The following SORCS3 variants were observed in gnomAD, a reference collection of about 807,000 sequenced individuals.
SORCS3 encodes VPS10 domain-containing receptor SorCS3.
Under a neutral mutation model 146.3 loss-of-function variants are expected in SORCS3, and 57 were observed. That is an observed-to-expected ratio of 0.39 (90% CI 0.31 to 0.49). The LOEUF (loss-of-function observed/expected upper bound fraction) is 0.49, where lower values mean the gene tolerates loss of function less well. Among genes scored for constraint, SORCS3 ranks in the 20% least tolerant of loss-of-function variants. The pLI, the probability that SORCS3 is intolerant of heterozygous loss-of-function variation, is 0.92. For synonymous variants in SORCS3, 653 were observed against 618.5 expected, an observed-to-expected ratio of 1.06 and a Z score of -0.83; for missense variants, 1,341 against 1,575.5, an observed-to-expected ratio of 0.85 and a Z score of 2.52.
At chr10:105,140,159 C>A (rs2056085376) in intron 8 of SORCS3, among the ~76,000 whole-genome samples, 1 of 152,076 alleles carries the variant, frequency 6.6e-6, no homozygotes, top group South Asian at 2.1e-4. Context: ...GGAGTAAAAT[C>A]TCAGGTTGGA....
At chr10:105,141,035 G>A (rs2056091912) in intron 8 of SORCS3, among the ~76,000 whole-genome samples, 1 of 152,162 alleles carries the variant, frequency 6.6e-6, no homozygotes, top group African/African-American at 2.4e-5. Flanking sequence ...TAGGAAATGA[G>A]TTTAGGGAAC....
intron 1 of SORCS3, among the ~76,000 whole-genome samples, chr10:104,651,533 TAA>T (rs34352025): frequency 1.8e-5 from 2 of 112,674 alleles, no homozygotes; most frequent in Non-Finnish European, 3.5e-5. Flanking sequence ...CGGGCTCTAC[TAA>T]AAAAAAAAAA....
At chr10:104,917,856 G>A (rs150558407) in intron 3 of SORCS3, among the ~76,000 whole-genome samples, 412 of 152,194 alleles carry the variant, frequency 2.7e-3, no homozygotes, top group Non-Finnish European at 3.5e-3. Flanking sequence ...TTGTGTCTAC[G>A]TACCACATTT....
Position 104,842,799 on chromosome 10 carries a change from T to A in SORCS3, c.635T>A (p.Leu212His). The change falls in exon 2 of 27, where the codon CTT (leucine) becomes CAT (histidine). Residue 212 changes from leucine to histidine, a missense_variant. By Grantham distance (99) the Leu-to-His change is moderately conservative. Transcript: ENST00000369701. The stretch of plus-strand genomic sequence containing the variant: ...ATCCCCAACCCCTTGCAGGTCATAC[T>A]TATCCTGACGAAGCTGTATGACTTC... ...HWSGHNSSVILILTKLYDFNL... is the reference protein window; with the variant it reads ...HWSGHNSSVIHILTKLYDFNL... 6.2e-7 allele frequency: 1 copy of A among 1,613,808 alleles called. No individual in the cohort carries two copies. Among genetic ancestry groups the A allele is most frequent in the South Asian group, 1.1e-5 (1 of 91,056 alleles).
chr10:104,705,225 G>GTTTTTTTTTTTTTTTTTTT (rs11361828), intron 1 of SORCS3, among the ~76,000 whole-genome samples: 2 of 119,620 alleles, frequency 1.7e-5, no homozygotes, highest in Admixed American at 8.6e-5. Context: ...GCAGGCCTTC[G>GTTTTTTTTTTTTTTTTTTT]TTTTTTTTTT....
intron 3 of SORCS3, among the ~76,000 whole-genome samples, chr10:104,966,130 G>T (rs1305552765): frequency 6.6e-6 from 1 of 151,344 alleles, no homozygotes; most frequent in Non-Finnish European, 1.5e-5. Context: ...AGCATCCCTC[G>T]CCTCTGCCCA....
intron 1 of SORCS3, among the ~76,000 whole-genome samples, chr10:104,713,463 A>G (rs1277366581): frequency 6.6e-6 from 1 of 152,164 alleles, no homozygotes; most frequent in Non-Finnish European, 1.5e-5. Flanking sequence ...AAACTGAGGA[A>G]GTTCCCCTCT....
chr10:104,933,683 A>G (rs1198522579), intron 3 of SORCS3, among the ~76,000 whole-genome samples: 1 of 152,228 alleles, frequency 6.6e-6, no homozygotes, highest in Non-Finnish European at 1.5e-5. Context: ...AGCCGTGTAA[A>G]TCATGTAAAT....
chr10:104,700,419 GT>G (rs36061290), intron 1 of SORCS3, among the ~76,000 whole-genome samples: 31,461 of 152,094 alleles, frequency 0.21, 3,596 homozygotes, highest in Non-Finnish European at 0.27. Context: ...TGGGAAACGT[GT>G]GTTCTGGCAA....
Position 105,223,264 on chromosome 10 carries a change from G to T in SORCS3, c.2868+15G>T. ...ATAGCACAAAGGTTTGGCCCTTTCT[G>T]ATTGATGTCAAATTAGATCTGTACT... is the stretch of plus-strand genomic sequence containing the variant. On this transcript the variant is annotated intron_variant, in intron 20 of 26. Transcript: ENST00000369701. 6.3e-7 allele frequency: 1 copy of T among 1,599,830 alleles called. No individual in the cohort carries two copies. The highest frequency in any genetic ancestry group is 8.5e-7 in the Non-Finnish European group (1 of 1,170,954).
intron 7 of SORCS3, among the ~76,000 whole-genome samples, chr10:105,122,578 T>A (rs1311951204): frequency 6.6e-6 from 1 of 152,206 alleles, no homozygotes; most frequent in Non-Finnish European, 1.5e-5. Context: ...ATGCTCCTGA[T>A]ACTGTTCTAA....
intron 19 of SORCS3, among the ~76,000 whole-genome samples, chr10:105,218,812 C>T (rs572355745): frequency 3.9e-5 from 6 of 152,248 alleles, no homozygotes; most frequent in Non-Finnish European, 8.8e-5. Context: ...CTCAGGAGAT[C>T]GAGACCATCC....
At chr10:104,810,643 G>A (rs2133518135) in intron 1 of SORCS3, among the ~76,000 whole-genome samples, 1 of 152,298 alleles carries the variant, frequency 6.6e-6, no homozygotes, top group Middle Eastern at 3.4e-3. Flanking sequence ...TATTTCTGCT[G>A]TACATAGTCT....
intron 3 of SORCS3, among the ~76,000 whole-genome samples, chr10:104,968,490 A>C (rs1251484209): frequency 6.6e-6 from 1 of 152,198 alleles, no homozygotes; most frequent in Non-Finnish European, 1.5e-5. Context: ...TTGAGAGCCT[A>C]TAACCTTAAC....
intron 3 of SORCS3, among the ~76,000 whole-genome samples, chr10:104,928,087 T>C (rs893294823): frequency 6.6e-6 from 1 of 151,958 alleles, no homozygotes; most frequent in Non-Finnish European, 1.5e-5. Flanking sequence ...AGGTTTTAAG[T>C]ATGTGGGTTT....
intron 9 of SORCS3, among the ~76,000 whole-genome samples, chr10:105,150,665 G>A (rs1034315201): frequency 6.6e-6 from 1 of 152,162 alleles, no homozygotes; most frequent in African/African-American, 2.4e-5. Context: ...TGGATAAATA[G>A]CTGAATTTCA....
chr10:105,074,885 T>C (rs1433742564), intron 5 of SORCS3, among the ~76,000 whole-genome samples: 1 of 152,236 alleles, frequency 6.6e-6, no homozygotes, highest in Non-Finnish European at 1.5e-5. Flanking sequence ...GATTTTATTC[T>C]CTTCAGAGCT....
intron 5 of SORCS3, among the ~76,000 whole-genome samples, chr10:105,052,078 G>C (rs1385265429): frequency 1.3e-5 from 2 of 152,132 alleles, no homozygotes; most frequent in Admixed American, 6.6e-5. Context: ...CAACTCTTTG[G>C]AAGAAGTCAA....
intron 14 of SORCS3, among the ~76,000 whole-genome samples, chr10:105,197,537 G>A (rs1224728725): frequency 6.6e-6 from 1 of 152,084 alleles, no homozygotes; most frequent in East Asian, 1.9e-4. Flanking sequence ...GAAAAAAACA[G>A]GTTATTGCCT....
Sources: gnomAD v4.1 joint callset for allele counts (sites outside exome capture counted in the v4.1 genomes callset) on GRCh38, gnomAD v4.1.1 for gene constraint, MANE v1.5 for transcripts, NCBI Gene and HGNC (gene_info 2026-07-23, HGNC 2026-07-21) for gene names.